Variants in TRMT11 observed in about 807,000 individuals in gnomAD.
TRMT11 encodes the protein tRNA methyltransferase 11.
TRMT11 carries 53 observed loss-of-function variants against 62.8 expected under a neutral mutation model. The observed-to-expected ratio is 0.84, with a 90% CI of 0.68 to 1.06. TRMT11 has a LOEUF of 1.06. TRMT11 is among the 50% of genes least tolerant of loss of function. The pLI, the probability that TRMT11 is intolerant of heterozygous loss-of-function variation, is 0.00. For synonymous variants in TRMT11, 188 were observed against 190.3 expected (o/e 0.99, Z 0.10); for missense variants, 556 against 553.4 (o/e 1.00, Z -0.05).
chr6:126,001,148 A>C (rs1243724150), intron 7 of TRMT11, among the ~76,000 whole-genome samples: 1 of 152,112 alleles, frequency 6.6e-6, no homozygotes, highest in Admixed American at 6.6e-5. Flanking sequence ...TTTCAGTGTT[A>C]ATAGATGTAT....
intron 17 of TRMT11, among the ~76,000 whole-genome samples, chr6:126,067,541 A>G (rs1489538280): frequency 6.6e-6 from 1 of 152,186 alleles, no homozygotes; most frequent in African/African-American, 2.4e-5. Context: ...GTGGGATTTT[A>G]CTGTGTGACT....
intron 16 of TRMT11, among the ~76,000 whole-genome samples, chr6:126,047,503 T>G (rs1007939102): frequency 1.9e-4 from 29 of 151,892 alleles, no homozygotes; most frequent in African/African-American, 7.0e-4. Context: ...TACCACTCAG[T>G]TAAAGCCCCG....
chr6:126,196,134 G>T (rs1778663953), intron 1 of TRMT11, among the ~76,000 whole-genome samples: 1 of 152,142 alleles, frequency 6.6e-6, no homozygotes, highest in African/African-American at 2.4e-5. Flanking sequence ...CAAACTTCAT[G>T]CTAGTACCCT....
intron 17 of TRMT11, among the ~76,000 whole-genome samples, chr6:126,053,287 G>A (rs192277815): frequency 6.6e-6 from 1 of 152,326 alleles, no homozygotes; most frequent in Non-Finnish European, 1.5e-5. Flanking sequence ...CAGTGGTAGT[G>A]TATTAACCAT....
At chr6:126,061,536 G>T (rs1776535142) in intron 17 of TRMT11, among the ~76,000 whole-genome samples, 1 of 131,136 alleles carries the variant, frequency 7.6e-6, no homozygotes, top group Non-Finnish European at 1.5e-5. Context: ...TTAAGGATCA[G>T]TCAATTTTTT....
At chr6:126,122,157 C>A (rs548413707) in intron 21 of TRMT11, among the ~76,000 whole-genome samples, 3 of 152,078 alleles carry the variant, frequency 2.0e-5, no homozygotes, top group African/African-American at 4.8e-5. Flanking sequence ...TCATCTTCTG[C>A]CATGATTGTG....
chr6:126,179,335 C>A (rs774478475), intron 1 of TRMT11, among the ~76,000 whole-genome samples: 6 of 152,106 alleles, frequency 3.9e-5, no homozygotes, highest in Non-Finnish European at 5.9e-5. Flanking sequence ...GGGTTCAGAT[C>A]TTTAAAAATT....
the TRMT11 span, among the ~76,000 whole-genome samples, chr6:126,243,768 C>T: frequency 2.0e-5 from 3 of 152,032 alleles, no homozygotes; most frequent in Non-Finnish European, 2.9e-5. Context: ...AACATCACTC[C>T]CCGGGGCCTG....
At chr6:126,264,327 A>C in the TRMT11 span, among the ~76,000 whole-genome samples, 1 of 152,100 alleles carries the variant, frequency 6.6e-6, no homozygotes, top group South Asian at 2.1e-4. Context: ...TTGAGGAATC[A>C]TGGTCATAAA....
At chr6:126,087,683 A>C (rs930361847) in intron 17 of TRMT11, among the ~76,000 whole-genome samples, 1 of 152,244 alleles carries the variant, frequency 6.6e-6, no homozygotes. Context: ...TGTAGGAGGC[A>C]GGGCCAGGCT....
At chr6:126,008,956 G>T (rs1283418995) in intron 8 of TRMT11, among the ~76,000 whole-genome samples, 10 of 151,790 alleles carry the variant, frequency 6.6e-5, no homozygotes, top group Non-Finnish European at 1.5e-4. Context: ...CTACTTTTAT[G>T]ATCCATTGTG....
intron 1 of TRMT11, among the ~76,000 whole-genome samples, chr6:126,180,505 G>T (rs549546185): frequency 2.6e-5 from 4 of 152,190 alleles, no homozygotes; most frequent in Admixed American, 2.6e-4. Context: ...GGGAAAATTT[G>T]GCAAAGAAAA....
chr6:126,062,666 A>C (rs1776569863), intron 17 of TRMT11, among the ~76,000 whole-genome samples: 1 of 151,236 alleles, frequency 6.6e-6, no homozygotes, highest in African/African-American at 2.5e-5. Context: ...AATACAGGCT[A>C]ATCCACTTAA....
intron 21 of TRMT11, among the ~76,000 whole-genome samples, chr6:126,134,916 A>G (rs1777833521): frequency 6.6e-6 from 1 of 151,866 alleles, no homozygotes; most frequent in Admixed American, 6.6e-5. Flanking sequence ...GAAGAAATTA[A>G]GAAGGACAAT....
intron 11 of TRMT11, among the ~76,000 whole-genome samples, chr6:126,019,066 G>C (rs1795419053): frequency 6.6e-6 from 1 of 152,090 alleles, no homozygotes; most frequent in Non-Finnish European, 1.5e-5. Context: ...TTTTAGCAGA[G>C]ACGGGGTTTC....
At chr6:126,128,895 A>G (rs1177096889) in intron 21 of TRMT11, among the ~76,000 whole-genome samples, 1 of 149,452 alleles carries the variant, frequency 6.7e-6, no homozygotes, top group Middle Eastern at 3.2e-3. Flanking sequence ...AAATGCACCT[A>G]AAAGGATTTT....
intron 21 of TRMT11, among the ~76,000 whole-genome samples, chr6:126,127,081 T>C (rs1398137304): frequency 6.6e-6 from 1 of 152,112 alleles, no homozygotes; most frequent in African/African-American, 2.4e-5. Flanking sequence ...AGAAGGAGGT[T>C]GATGACCGGT....
At chr6:126,226,912 T>G in the TRMT11 span, among the ~76,000 whole-genome samples, 1 of 152,130 alleles carries the variant, frequency 6.6e-6, no homozygotes. Flanking sequence ...TGACAGTGAA[T>G]AAGTCTCATG....
chr6:126,247,539 TATATAAAA>T, the TRMT11 span, among the ~76,000 whole-genome samples: 1 of 147,000 alleles, frequency 6.8e-6, no homozygotes, highest in Non-Finnish European at 1.5e-5. Context: ...AATATATAAA[TATATAAAA>T]ATATAAATAA....
Sources: allele counts gnomAD v4.1 joint callset (sites outside exome capture counted in the v4.1 genomes callset), GRCh38; gene constraint gnomAD v4.1.1; transcripts MANE v1.5; gene names NCBI Gene and HGNC (gene_info 2026-07-23, HGNC 2026-07-21).